EEIG1: variants seen among roughly 807,000 people sequenced by gnomAD.
EEIG1 encodes early estrogen-induced gene 1 protein.
At chr9:127,943,047 A>G in the EEIG1 span, 3 of 734,308 alleles carry the variant, frequency 4.1e-6, no homozygotes, top group South Asian at 1.6e-5. Context: ...GAATGATGCT[A>G]CGGGGAGTGT....
At chr9:127,950,661 C>A in the EEIG1 span, 2 of 1,479,258 alleles carry the variant, frequency 1.4e-6, no homozygotes, top group Non-Finnish European at 9.0e-7. Flanking sequence ...TGGGCCAGCC[C>A]CACAGCCTCG....
chr9:127,950,156 T>A, the EEIG1 span, among the ~76,000 whole-genome samples: 1 of 152,238 alleles, frequency 6.6e-6, no homozygotes, highest in Admixed American at 6.5e-5. Flanking sequence ...GCAATCAGCA[T>A]GACGTGAACC....
chr9:127,963,932 G>C, the EEIG1 span, among the ~76,000 whole-genome samples: 7 of 152,194 alleles, frequency 4.6e-5, no homozygotes, highest in African/African-American at 1.7e-4. Context: ...AGCAGGCTGG[G>C]GGCAGGAGGC....
At chr9:127,963,346 C>T in the EEIG1 span, among the ~76,000 whole-genome samples, 2 of 152,268 alleles carry the variant, frequency 1.3e-5, no homozygotes, top group Non-Finnish European at 2.9e-5. Context: ...GGCCGCCCGC[C>T]TGGGAAGAGA....
chr9:127,951,666 A>G, the EEIG1 span, among the ~76,000 whole-genome samples: 2 of 151,886 alleles, frequency 1.3e-5, no homozygotes, highest in African/African-American at 4.8e-5. Context: ...ATACAAAAAA[A>G]ATTAGCCGGG....
At chr9:127,974,489 C>A in the EEIG1 span, among the ~76,000 whole-genome samples, 11 of 152,234 alleles carry the variant, frequency 7.2e-5, no homozygotes, top group African/African-American at 2.7e-4. Context: ...TCCAATTCCC[C>A]TCTGCCTTCA....
chr9:127,968,007 A>AG, the EEIG1 span, among the ~76,000 whole-genome samples: 1 of 118,086 alleles, frequency 8.5e-6, no homozygotes, highest in Non-Finnish European at 1.7e-5. Context: ...TTTTGAGGTA[A>AG]GGGGTCTCAC....
chr9:127,968,797 T>G, the EEIG1 span, among the ~76,000 whole-genome samples: 1 of 152,206 alleles, frequency 6.6e-6, no homozygotes, highest in Non-Finnish European at 1.5e-5. Context: ...TTTTCCTAGC[T>G]GTCTTCATCA....
chr9:127,979,400 C>G, the EEIG1 span, among the ~76,000 whole-genome samples: 1 of 152,234 alleles, frequency 6.6e-6, no homozygotes, highest in East Asian at 1.9e-4. Context: ...AACACAAAAC[C>G]AAACTCAACG....
the EEIG1 span, among the ~76,000 whole-genome samples, chr9:127,957,520 A>T: frequency 7.9e-5 from 12 of 152,182 alleles, no homozygotes; most frequent in Admixed American, 7.2e-4. Flanking sequence ...TGTTGTTAAG[A>T]TGATACTCCC....
chr9:127,944,559 T>C, the EEIG1 span: 1 of 1,288,946 alleles, frequency 7.8e-7, no homozygotes, highest in Non-Finnish European at 1.1e-6. Context: ...GTGGGGACTC[T>C]GCTCTCACCC....
At chr9:127,954,961 C>G in the EEIG1 span, among the ~76,000 whole-genome samples, 1 of 152,196 alleles carries the variant, frequency 6.6e-6, no homozygotes, top group Admixed American at 6.5e-5. Flanking sequence ...GCTGCGGGGG[C>G]CTTGGCAGGA....
At chr9:127,964,007 TG>T in the EEIG1 span, among the ~76,000 whole-genome samples, 1 of 152,000 alleles carries the variant, frequency 6.6e-6, no homozygotes, top group African/African-American at 2.4e-5. Flanking sequence ...GGTGAAGACC[TG>T]GGGGGAAGGA....
the EEIG1 span, chr9:127,950,381 A>G: frequency 6.2e-7 from 1 of 1,601,854 alleles, no homozygotes; most frequent in Non-Finnish European, 8.5e-7. Context: ...GTTTGTCCCC[A>G]TCCCGTGGTC....
chr9:127,944,835 A>T, the EEIG1 span: 1 of 1,612,294 alleles, frequency 6.2e-7, no homozygotes, highest in Non-Finnish European at 8.5e-7. Context: ...CCACGATGGC[A>T]TCCGCATCGA....
chr9:127,961,815 T>C, the EEIG1 span, among the ~76,000 whole-genome samples: 1 of 148,404 alleles, frequency 6.7e-6, no homozygotes, highest in African/African-American at 2.4e-5. Context: ...GAACAGCAAG[T>C]GCAAAGGCCC....
At chr9:127,943,864 C>T in the EEIG1 span, 1 of 154,444 alleles carries the variant, frequency 6.5e-6, no homozygotes, top group Non-Finnish European at 1.4e-5. Context: ...CCATTCCAGG[C>T]CGTGGCCAGC....
chr9:127,953,364 G>A, the EEIG1 span: 2,082 of 585,060 alleles, frequency 3.6e-3, 10 homozygotes, highest in South Asian at 0.012. Context: ...TTGCTCTGTG[G>A]ACTTCTGTAC....
At chr9:127,948,554 C>G in the EEIG1 span, 1 of 832,296 alleles carries the variant, frequency 1.2e-6, no homozygotes, top group South Asian at 1.6e-5. Flanking sequence ...GGCTTGGGGG[C>G]TCTGGCAAAG....
Sources: allele counts gnomAD v4.1 joint callset (sites outside exome capture counted in the v4.1 genomes callset), GRCh38; gene constraint gnomAD v4.1.1; transcripts MANE v1.5; gene names NCBI Gene and HGNC (gene_info 2026-07-23, HGNC 2026-07-21).